The following ZFAT variants were observed in gnomAD, a reference collection of about 807,000 sequenced individuals.
ZFAT encodes zinc finger protein ZFAT.
In ZFAT, 64 loss-of-function variants were observed where a neutral mutation model predicts 117.7. The ratio of observed to expected loss-of-function variants is 0.54; its 90% CI spans 0.44 to 0.67. The LOEUF is 0.67. Ranked by LOEUF, ZFAT falls within the 30% of genes least tolerant of loss-of-function variation. The probability of loss-of-function intolerance (pLI) is 0.00; values close to 1 mark genes in which losing one functional copy is unlikely to be tolerated. For synonymous variants in ZFAT, 679 were observed against 615.0 expected (o/e 1.10, Z -1.54); for missense variants, 1,433 against 1,584.5 (o/e 0.90, Z 1.62).
the ZFAT span, among the ~76,000 whole-genome samples, chr8:134,720,857 T>C: frequency 6.6e-6 from 1 of 152,190 alleles, no homozygotes; most frequent in Non-Finnish European, 1.5e-5. Context: ...AAAATAATAA[T>C]GGTGGTATGG....
chr8:134,728,676 A>G, the ZFAT span, among the ~76,000 whole-genome samples: 1 of 152,170 alleles, frequency 6.6e-6, no homozygotes, highest in African/African-American at 2.4e-5. Context: ...AAAATTAGCC[A>G]AGGATCTAAT....
rs1817097775 is a variant in ZFAT, at chr8:134,478,979, C to T, written c.3493-258G>A. On this transcript the variant is annotated intron_variant, in intron 15 of 15. Transcript: ENST00000377838. The surrounding 1 kb of genome is among the most constrained non-coding windows in gnomAD (Gnocchi z 5.2). Reference sequence around the variant, plus strand: ...GGAACCTAAGTTCAAACCCAGAGTCCGAGGTTGTTTCTGATGCCGAGCTGC... The same window carrying T: ...GGAACCTAAGTTCAAACCCAGAGTCTGAGGTTGTTTCTGATGCCGAGCTGC... 6.6e-6 allele frequency among the ~76,000 whole-genome samples: 1 copy of T among 152,122 alleles called. No homozygotes were observed. The highest frequency in any genetic ancestry group is 6.6e-5 in the Admixed American group (1 of 15,266).
the ZFAT span, among the ~76,000 whole-genome samples, chr8:134,755,853 A>G: frequency 2.0e-5 from 3 of 151,522 alleles, no homozygotes; most frequent in African/African-American, 7.3e-5. Context: ...GAAAAAAAAA[A>G]GATAAAAGAT....
At position 134,478,610 on chromosome 8, in the gene ZFAT, C is replaced by T. The variant is rs748820813; in HGVS notation, c.3604G>A (p.Val1202Met). 144 of 1,588,436 alleles carry T rather than the reference C, an allele frequency of 9.1e-5. No homozygotes were observed. Among genetic ancestry groups the T allele is most frequent in the Non-Finnish European group, 1.1e-4 (131 of 1,167,862 alleles). Reference protein sequence around the residue: ...QHHLVVSSDDVEGIETVTVYT... With the variant: ...QHHLVVSSDDMEGIETVTVYT... ...ACAGTCACCGTCTCAATGCCCTCCA[C>T]GTCGTCGGAGGACACCACCAGGTGG... is the stretch of plus-strand genomic sequence containing the variant. Residue 1202 changes from valine to methionine, a missense_variant, in exon 16 of 16, where the codon GTG (valine) becomes ATG (methionine). By Grantham distance (21) the Val-to-Met change is conservative (BLOSUM62 1). Coordinates refer to ENST00000377838, the MANE Select transcript of ZFAT (RefSeq NM_020863.4). This position sits in a 1 kb window ranked among gnomAD's most constrained non-coding sequence, Gnocchi z 5.2.
chr8:134,808,358 A>G, the ZFAT span, among the ~76,000 whole-genome samples: 16 of 152,358 alleles, frequency 1.1e-4, no homozygotes, highest in African/African-American at 2.9e-4. Context: ...ACTACCAGCT[A>G]GCTGTGGATT....
chr8:134,583,233 C>A (rs1006968486), intron 10 of ZFAT, among the ~76,000 whole-genome samples: 2 of 152,144 alleles, frequency 1.3e-5, no homozygotes, highest in Non-Finnish European at 2.9e-5. Context: ...ACTCCTTGAA[C>A]GCAGGAACTT....
At chr8:134,620,722 C>T (rs1303497257) in intron 3 of ZFAT, among the ~76,000 whole-genome samples, 1 of 152,238 alleles carries the variant, frequency 6.6e-6, no homozygotes, top group Non-Finnish European at 1.5e-5. Flanking sequence ...CTAGCTGATG[C>T]TGACGGGGAA....
At chr8:134,520,261 C>G (rs1480218626) in intron 13 of ZFAT, among the ~76,000 whole-genome samples, 2 of 152,188 alleles carry the variant, frequency 1.3e-5, no homozygotes, top group Non-Finnish European at 2.9e-5. Context: ...GGGCACAGGA[C>G]AGCCCTCCAC....
intron 4 of ZFAT, 103 bp downstream of exon 4, chr8:134,610,367 A>G (rs1161608771): frequency 3.2e-6 from 4 of 1,252,034 alleles, no homozygotes; most frequent in Non-Finnish European, 4.4e-6. Flanking sequence ...GAGCCCCACC[A>G]ATGCACCAGC....
At chr8:134,813,312 C>G in the ZFAT span, among the ~76,000 whole-genome samples, 1 of 152,194 alleles carries the variant, frequency 6.6e-6, no homozygotes, top group Non-Finnish European at 1.5e-5. Flanking sequence ...CTTCCTAAGG[C>G]CCAGGACATG....
chr8:134,516,161 A>G (rs887246926), intron 13 of ZFAT, among the ~76,000 whole-genome samples: 1 of 152,258 alleles, frequency 6.6e-6, no homozygotes, highest in African/African-American at 2.4e-5. Flanking sequence ...GAGAGCTGTC[A>G]GCAATCTAAG....
At position 134,702,918 on chromosome 8, in the gene ZFAT, G is replaced by A. The variant is rs577533469; in HGVS notation, c.19+9927C>T. 3.3e-3 allele frequency among the ~76,000 whole-genome samples: 505 copies of A among 152,190 alleles called. 2 individuals are homozygous for A. Among genetic ancestry groups the A allele is most frequent in the Non-Finnish European group, 5.8e-3 (396 of 68,010 alleles). On this transcript the variant is annotated intron_variant, in intron 1 of 15. Coordinates refer to ENST00000377838, the MANE Select transcript of ZFAT (RefSeq NM_020863.4). The stretch of plus-strand genomic sequence containing the variant: ...AATCTCCTGACCTCGTGATCTGCCG[G>A]CCTCGGCCTCCCAAAGTGCTGGGAT...
At chr8:134,480,988 G>A (rs1817265363) in intron 15 of ZFAT, among the ~76,000 whole-genome samples, 1 of 152,170 alleles carries the variant, frequency 6.6e-6, no homozygotes, top group African/African-American at 2.4e-5. Flanking sequence ...GGATTGGAAG[G>A]AACTTTTGAT....
At chr8:134,600,701 G>C (rs776277078) in intron 6 of ZFAT, 33 bp from the exon 7 acceptor site, 3 of 1,486,446 alleles carry the variant, frequency 2.0e-6, no homozygotes, top group Admixed American at 4.6e-5. Flanking sequence ...GAACAAGGAA[G>C]TTTCATTTTG....
At chr8:134,538,180 G>A (rs1821978542) in intron 11 of ZFAT, among the ~76,000 whole-genome samples, 2 of 152,196 alleles carry the variant, frequency 1.3e-5, no homozygotes, top group East Asian at 1.9e-4. Flanking sequence ...GCAAAAGGAG[G>A]TGGACTTGGA....
the ZFAT span, chr8:134,766,139 A>G: frequency 1.8e-4 from 27 of 152,190 alleles, no homozygotes; most frequent in Non-Finnish European, 3.7e-4. Flanking sequence ...TCATTCATTC[A>G]GTCATCAATA....
At chr8:134,781,031 G>T in the ZFAT span, among the ~76,000 whole-genome samples, 10 of 151,838 alleles carry the variant, frequency 6.6e-5, no homozygotes, top group South Asian at 2.1e-4. Flanking sequence ...GTTTTGTGGG[G>T]TTTTTTTTGG....
intron 3 of ZFAT, among the ~76,000 whole-genome samples, chr8:134,616,433 G>A (rs936165089): frequency 1.3e-5 from 2 of 152,132 alleles, no homozygotes; most frequent in Admixed American, 6.5e-5. Context: ...TTTCAAAGTT[G>A]CGTTTTGTCC....
chr8:134,795,727 A>C, the ZFAT span: 1 of 152,152 alleles, frequency 6.6e-6, no homozygotes, highest in African/African-American at 2.4e-5. Flanking sequence ...TCTGTGATAT[A>C]AGTTTTAATC....
Sources: allele counts gnomAD v4.1 joint callset (sites outside exome capture counted in the v4.1 genomes callset), GRCh38; gene constraint gnomAD v4.1.1; non-coding constraint Gnocchi (gnomAD v3.1); transcripts MANE v1.5; gene names NCBI Gene and HGNC (gene_info 2026-07-23, HGNC 2026-07-21).